WIZ: variants seen among roughly 807,000 people sequenced by gnomAD.
WIZ encodes the protein protein Wiz.
In WIZ, 25 loss-of-function variants were observed where a neutral mutation model predicts 140.2. The ratio of observed to expected loss-of-function variants is 0.18; its 90% CI spans 0.13 to 0.25. WIZ has a LOEUF of 0.25. Ranked by LOEUF, WIZ falls within the 10% of genes least tolerant of loss-of-function variation. The pLI is 1.00. For missense variants in WIZ, 2,231 were observed against 2,632.6 expected (o/e 0.85, Z 3.34); for synonymous variants, 1,125 against 1,154.3 (o/e 0.97, Z 0.51).
intron 6 of WIZ, 102 bp downstream of exon 6, chr19:15,430,910 C>A: frequency 3.6e-5 from 49 of 1,372,972 alleles, no homozygotes; most frequent in Non-Finnish European, 4.5e-5. Flanking sequence ...GGGAAAACTG[C>A]GGGCAACCTT....
At position 15,439,562 on chromosome 19, in the gene WIZ, G is replaced by C; in HGVS notation, c.1432C>G (p.Leu478Val). The C allele has an allele frequency of 6.7e-7, 1 of 1,499,170 alleles. No homozygotes were observed. The highest frequency in any genetic ancestry group is 8.9e-7 in the Non-Finnish European group (1 of 1,127,170). 92.9% of individuals were successfully genotyped at this position (1,499,170 alleles called of 1,614,324 possible). The change falls in exon 4 of 13, where the codon CTG (leucine) becomes GTG (valine). Residue 478 changes from leucine to valine, a missense_variant. Transcript: ENST00000673675. The surrounding 1 kb of genome is among the most constrained non-coding windows in gnomAD (Gnocchi z 7.0). Reference protein sequence around the residue: ...FCGFPAPSESLLREHVRLVHA... With the variant: ...FCGFPAPSESVLREHVRLVHA... ...ACCAGCCTCACGTGCTCCCTGAGCA[G>C]GCTCTCGCTGGGCGCGGGGAAACCA...
chr19:15,429,968 T>C lies in WIZ; in HGVS notation c.3033A>G (p.Ala1011=), dbSNP rs746209132. Residue 1011 remains alanine, a synonymous_variant, in exon 7 of 13, where the codon GCA becomes GCG. Transcript: ENST00000673675. ...CAAGCTCGTAGAGGAGGTCGATGGG[T>C]GCGCCGCTGCTTTCCGACTCTGCCA... is the stretch of plus-strand genomic sequence containing the variant. The part of the protein sequence containing the change: ...LGVAESESSG[A]PIDLLYELVK... 6.5e-7 allele frequency: 1 copy of C among 1,535,888 alleles called. No individual in the cohort carries two copies.
rs76959204 is a variant in WIZ, at chr19:15,423,024, G to A, written c.*52C>T. ...GGAAGAGGGACAAGGACACAGAGGA[G>A]GAAGAAGAGGAGACAGAGGTGGCAC... is the stretch of plus-strand genomic sequence containing the variant. On this transcript the variant is annotated 3_prime_UTR_variant, in exon 13 of 13. Transcript: ENST00000673675. 2,463 of 1,589,412 alleles carry A rather than the reference G, an allele frequency of 1.5e-3. 22 individuals carry two copies. In the African/African-American group the frequency reaches 0.03, roughly 19 times the overall value.
chr19:15,423,244 G>C lies in WIZ; in HGVS notation c.5511-9C>G, dbSNP rs746287969. 1.2e-6 allele frequency: 2 copies of C among 1,613,126 alleles called. No homozygotes were observed. The highest frequency in any genetic ancestry group is 2.2e-5 in the East Asian group (1 of 44,872). On this transcript the variant is annotated splice_polypyrimidine_tract_variant and intron_variant, in intron 12 of 12. Coordinates refer to ENST00000673675, the MANE Select transcript of WIZ (RefSeq NM_001371589.1). ...ATTCCACCTCACAGAACCTGCATGG[G>C]GGAACAGAGAGAGGGAGTGGCCAGT... is the stretch of plus-strand genomic sequence containing the variant.
Position 15,427,498 on chromosome 19 carries a change from C to G in WIZ, c.3850G>C (p.Glu1284Gln), listed in dbSNP as rs757239626. The stretch of plus-strand genomic sequence containing the variant: ...TTCTCGAAGAACTCACCACAGAACT[C>G]GCAGCGGATGTCTCGTGCTGGCTCT... The part of the protein sequence containing the change: ...GPEPARDIRC[E>Q]FCGEFFENRK... The change falls in exon 9 of 13, where the codon GAG (glutamate) becomes CAG (glutamine). Residue 1284 changes from glutamate (E) to glutamine (Q), a missense_variant. By Grantham distance (29) the Glu-to-Gln change is conservative. This residue lies in a region of WIZ where 141 missense variants were observed against 161.2 expected (regional missense o/e 0.87). Transcript: ENST00000673675. The surrounding 1 kb of genome is among the most constrained non-coding windows in gnomAD (Gnocchi z 6.4). 1 of 1,611,626 alleles carries G rather than the reference C, an allele frequency of 6.2e-7. No individual in the cohort carries two copies.
Position 15,423,000 on chromosome 19 carries a change from G to A in WIZ, c.*76C>T. On this transcript the variant is annotated 3_prime_UTR_variant, in exon 13 of 13. Coordinates refer to ENST00000673675, the MANE Select transcript of WIZ (RefSeq NM_001371589.1). ...CTCCTTTGGAAACGGAAAGAAAGAG[G>A]AAGAGGGACAAGGACACAGAGGAGG... 1.3e-6 allele frequency: 2 copies of A among 1,550,566 alleles called. No homozygotes were observed. Among genetic ancestry groups the A allele is most frequent in the Non-Finnish European group, 1.7e-6 (2 of 1,148,666 alleles).
intron 5 of WIZ, chr19:15,436,547 A>G: frequency 2.2e-6 from 1 of 458,648 alleles, no homozygotes; most frequent in Non-Finnish European, 3.8e-6. Flanking sequence ...GTAAAAGCTC[A>G]GTAAGCATTT....
chr19:15,448,219 A>G lies in WIZ; in HGVS notation c.89T>C (p.Ile30Thr). 1 of 1,613,018 alleles carries G rather than the reference A, an allele frequency of 6.2e-7. No homozygotes were observed. The highest frequency in any genetic ancestry group is 8.5e-7 in the Non-Finnish European group (1 of 1,179,556). Residue 30 changes from isoleucine (I) to threonine (T), a missense_variant, in exon 2 of 13, where the codon ATC becomes ACC. By Grantham distance (89) the Ile-to-Thr change is moderately conservative. Around this residue, in one of 15 missense-constraint regions of WIZ, gnomAD observed 85 missense variants for 90.9 expected, o/e 0.94. Transcript: ENST00000673675. Reference protein sequence around the residue: ...RLPGPAPRENIEGGAEAAEGE... With the variant: ...RLPGPAPRENTEGGAEAAEGE... ...CTCAGCAGCTTCGGCCCCACCCTCG[A>G]TGTTCTCCCTTGGCGCCGGGCCAGG...
chr19:15,424,112 T>C lies in WIZ; in HGVS notation c.5510+71A>G, dbSNP rs1968550880. 7.3e-7 allele frequency: 1 copy of C among 1,372,686 alleles called. No individual in the cohort carries two copies. The highest frequency in any genetic ancestry group is 9.6e-7 in the Non-Finnish European group (1 of 1,042,422). 85.0% of individuals were successfully genotyped at this position (1,372,686 alleles called of 1,614,324 possible). ...ACCTCCCAGCTTCCACCAAACCCTA[T>C]CCTGTTCCAAGGCTCCGGGTGACCA... On this transcript the variant is annotated intron_variant, in intron 12 of 12. Coordinates refer to ENST00000673675, the MANE Select transcript of WIZ (RefSeq NM_001371589.1). The surrounding 1 kb of genome is among the most constrained non-coding windows in gnomAD (Gnocchi z 9.7).
Position 15,427,065 on chromosome 19 carries a change from A to G in WIZ, c.4283T>C (p.Leu1428Pro). The change falls in exon 9 of 13, where the codon CTG becomes CCG. Residue 1428 changes from leucine (L) to proline (P), a missense_variant. By Grantham distance (98) the Leu-to-Pro change is moderately conservative. This residue lies in a region of WIZ where 393 missense variants were observed against 451.7 expected (regional missense o/e 0.87). Transcript: ENST00000673675. The surrounding 1 kb of genome is among the most constrained non-coding windows in gnomAD (Gnocchi z 6.4). The part of the protein sequence containing the change: ...QIRVEIKREM[L>P]PGALHGELHP... ...CAGTTCCCCATGAAGGGCCCCCGGCAGCATCTCCCGCTTGATCTCCACCCG... is the reference window on the plus strand; with the variant it reads ...CAGTTCCCCATGAAGGGCCCCCGGCGGCATCTCCCGCTTGATCTCCACCCG... 1 of 1,614,154 alleles carries G rather than the reference A, an allele frequency of 6.2e-7. No homozygotes were observed. Among genetic ancestry groups the G allele is most frequent in the Non-Finnish European group, 8.5e-7 (1 of 1,180,006 alleles).
At position 15,438,834 on chromosome 19, in the gene WIZ, C is replaced by G; in HGVS notation, c.2160G>C (p.Leu720=). Reference sequence around the variant, plus strand: ...GGCCGCCCAGCGGCGCGTCCAGGAGCAGGAAGTCCAGGGGGTGGGCGCCTG... The same window carrying G: ...GGCCGCCCAGCGGCGCGTCCAGGAGGAGGAAGTCCAGGGGGTGGGCGCCTG... ...GLAGAHPLDF[L]LLDAPLGGPL... The change falls in exon 4 of 13, where the codon CTG becomes CTC. Residue 720 remains leucine, a synonymous_variant. Coordinates refer to ENST00000673675, the MANE Select transcript of WIZ (RefSeq NM_001371589.1). The G allele has an allele frequency of 6.7e-7, 1 of 1,492,978 alleles. No homozygotes were observed. Among genetic ancestry groups the G allele is most frequent in the Non-Finnish European group, 8.9e-7 (1 of 1,119,070 alleles). The allele number at this position is 1,492,978 out of a possible 1,614,324, so 92.5% of individuals were successfully genotyped here. A position where few individuals can be genotyped will look rare whatever the true frequency, so the allele number is the denominator to read the frequency against.
intron 2 of WIZ, among the ~76,000 whole-genome samples, chr19:15,443,067 T>A (rs11669896): frequency 0.11 from 16,810 of 152,252 alleles, 1,037 homozygotes; most frequent in Non-Finnish European, 0.15. Flanking sequence ...ATACCTATAA[T>A]AAAAACCAGA....
chr19:15,425,480 G>A lies in WIZ; in HGVS notation c.4655C>T (p.Ser1552Leu), dbSNP rs545526207. The A allele has an allele frequency of 5.7e-5, 91 of 1,604,836 alleles. No individual in the cohort carries two copies. Among genetic ancestry groups the A allele is most frequent in the Admixed American group, 1.5e-4 (9 of 58,476 alleles). Reference sequence around the variant, plus strand: ...TTTGCCTGGCCGGCCAGCCAGGGGCGACAGCGGCAGTGGGGACTGCACGGG... The same window carrying A: ...TTTGCCTGGCCGGCCAGCCAGGGGCAACAGCGGCAGTGGGGACTGCACGGG... ...PGPVQSPLPL[S>L]PLAGRPGKPG... The change falls in exon 10 of 13, where the codon TCG (serine) becomes TTG (leucine). Residue 1552 changes from serine to leucine, a missense_variant. Around this residue, in one of 15 missense-constraint regions of WIZ, gnomAD observed 393 missense variants for 451.7 expected, o/e 0.87. Coordinates refer to ENST00000673675, the MANE Select transcript of WIZ (RefSeq NM_001371589.1).
At chr19:15,426,842 T>C (rs1313162227) in intron 9 of WIZ, 140 bp downstream of exon 9, 4 of 967,294 alleles carry the variant, frequency 4.1e-6, no homozygotes, top group African/African-American at 1.6e-5. Flanking sequence ...ATAGCAGGAA[T>C]ACACAGCTAA....
At position 15,425,806 on chromosome 19, in the gene WIZ, A is replaced by AG. The variant is rs1343588384; in HGVS notation, c.4367-39dup. ...CAGGGTAGGGGGAAGGAGGAGGAGG[A>AG]GGAGGAGGAGGGAGGAGGAGGGAGG... On this transcript the variant is annotated intron_variant, in intron 9 of 12. Transcript: ENST00000673675. 1.4e-5 allele frequency: 4 copies of AG among 292,512 alleles called. No individual in the cohort carries two copies. In the African/African-American group the frequency reaches 2.4e-4, roughly 18 times the overall value. The allele number at this position is 292,512 out of a possible 1,614,324, so 18.1% of individuals were successfully genotyped here. A position where few individuals can be genotyped will look rare whatever the true frequency, so the allele number is the denominator to read the frequency against.
intron 2 of WIZ, among the ~76,000 whole-genome samples, chr19:15,445,679 C>T (rs1429533787): frequency 1.3e-5 from 2 of 152,166 alleles, no homozygotes; most frequent in Non-Finnish European, 2.9e-5. Flanking sequence ...CTTCATCGAT[C>T]CATACAGACC....
rs1968747778 is a variant in WIZ at position 15,425,826 on chromosome 19, GGGAGGAGGAGGGA to G, written c.4367-71_4367-59del. On this transcript the variant is annotated intron_variant, in intron 9 of 12. Transcript: ENST00000673675. The stretch of plus-strand genomic sequence containing the variant: ...GGAGGAGGAGGAGGAGGGAGGAGGA[GGGAGGAGGAGGGA>G]GGAGGAGGAGGGAGGAGGGAGGAGG... The G allele has an allele frequency of 1.9e-4, 13 of 68,678 alleles. 4 individuals carry two copies. Among genetic ancestry groups the G allele is most frequent in the South Asian group, 8.3e-4 (4 of 4,800 alleles). 4.3% of individuals were successfully genotyped at this position (68,678 alleles called of 1,614,324 possible).
chr19:15,447,966 G>C, intron 2 of WIZ, 137 bp downstream of exon 2: 2 of 1,008,620 alleles, frequency 2.0e-6, no homozygotes, highest in Admixed American at 2.4e-5. Flanking sequence ...ACTAAACAGA[G>C]TACAAAGAAA....
chr19:15,440,780 A>G lies in WIZ; in HGVS notation c.279-65T>C. 7.9e-7 allele frequency: 1 copy of G among 1,273,420 alleles called. No homozygotes were observed. Among genetic ancestry groups the G allele is most frequent in the Non-Finnish European group, 1.0e-6 (1 of 991,292 alleles). 78.9% of individuals were successfully genotyped at this position (1,273,420 alleles called of 1,614,324 possible). On this transcript the variant is annotated intron_variant, in intron 3 of 12. Coordinates refer to ENST00000673675, the MANE Select transcript of WIZ (RefSeq NM_001371589.1). This position sits in a 1 kb window ranked among gnomAD's most constrained non-coding sequence, Gnocchi z 6.2. ...TGCAGTTTTCCTTCCTAGGGTGGTG[A>G]TGGGGGTCCTCCCAGGCCGTTTGAA... is the stretch of plus-strand genomic sequence containing the variant.
Sources: gnomAD v4.1 joint callset for allele counts (sites outside exome capture counted in the v4.1 genomes callset) on GRCh38, gnomAD v4.1.1 for gene constraint, gnomAD v4.1.1 regional missense constraint, Gnocchi (gnomAD v3.1) non-coding constraint, MANE v1.5 for transcripts, NCBI Gene and HGNC (gene_info 2026-07-23, HGNC 2026-07-21) for gene names.